Variants in SRBD1 observed in about 807,000 individuals in gnomAD.
SRBD1 encodes the protein S1 RNA-binding domain-containing protein 1.
Under a neutral mutation model 115.3 loss-of-function variants are expected in SRBD1, and 88 were observed. That is an observed-to-expected ratio of 0.76 (90% confidence interval 0.64 to 0.91). SRBD1 has a LOEUF of 0.91. Ranked by LOEUF, SRBD1 falls within the 40% of genes least tolerant of loss-of-function variation. SRBD1 has a pLI of 0.00. For synonymous variants in SRBD1, 509 were observed against 407.7 expected (o/e 1.25, Z -2.99); for missense variants, 1,385 against 1,177.4 (o/e 1.18, Z -2.58).
intron 16 of SRBD1, among the ~76,000 whole-genome samples, chr2:45,435,516 T>C (rs956511847): frequency 2.0e-5 from 3 of 148,384 alleles, no homozygotes; most frequent in Non-Finnish European, 4.4e-5. Context: ...AATACTAAGC[T>C]GCACATACCC....
rs200519152 is a variant in SRBD1, at chr2:45,389,419, T to C, written c.2879A>G (p.Lys960Arg). 1 of 1,614,082 alleles carries C rather than the reference T, an allele frequency of 6.2e-7. No homozygotes were observed. Among genetic ancestry groups the C allele is most frequent in the Non-Finnish European group, 8.5e-7 (1 of 1,179,966 alleles). ...GCCCAGTCCAAGGCTTCTTCTCTTC[T>C]TTGTTTTTGAAAGTTTTGCTTCTGT... is the stretch of plus-strand genomic sequence containing the variant. ...NVTEAKLSKT[K>R]KRRSLGLGPG... The change falls in exon 21 of 21, where the codon AAG becomes AGG. Residue 960 changes from lysine to arginine, a missense_variant. By Grantham distance (26) the Lys-to-Arg change is conservative (BLOSUM62 2). Transcript: ENST00000263736.
intron 16 of SRBD1, among the ~76,000 whole-genome samples, chr2:45,463,088 C>T (rs973982776): frequency 6.7e-6 from 1 of 149,632 alleles, no homozygotes; most frequent in Non-Finnish European, 1.5e-5. Context: ...ATTAGAATTC[C>T]TTTCCATGAT....
chr2:45,478,848 T>A (rs1032039207), intron 15 of SRBD1, among the ~76,000 whole-genome samples: 7 of 152,182 alleles, frequency 4.6e-5, no homozygotes, highest in African/African-American at 1.7e-4. Context: ...GTATTGCATT[T>A]TGCTTTATTG....
chr2:45,559,634 AAG>A (rs1279056701), intron 10 of SRBD1, among the ~76,000 whole-genome samples: 1 of 152,190 alleles, frequency 6.6e-6, no homozygotes, highest in Non-Finnish European at 1.5e-5. Context: ...AATAGGGAAA[AAG>A]AGAGTAAAAA....
intron 16 of SRBD1, among the ~76,000 whole-genome samples, chr2:45,467,544 A>C (rs1028572302): frequency 6.6e-6 from 1 of 152,186 alleles, no homozygotes; most frequent in Non-Finnish European, 1.5e-5. Flanking sequence ...GTCGTAGGCC[A>C]CATCTGTCTA....
intron 16 of SRBD1, among the ~76,000 whole-genome samples, chr2:45,422,356 T>C (rs1298899332): frequency 6.6e-6 from 1 of 152,198 alleles, no homozygotes; most frequent in Non-Finnish European, 1.5e-5. Flanking sequence ...TGCAAGGCCA[T>C]ATGCTTTGGA....
intron 16 of SRBD1, among the ~76,000 whole-genome samples, chr2:45,456,039 T>A (rs1245201191): frequency 4.0e-5 from 6 of 151,374 alleles, no homozygotes; most frequent in African/African-American, 9.7e-5. Context: ...AAAAAAAAAA[T>A]CACCTTACTA....
intron 16 of SRBD1, among the ~76,000 whole-genome samples, chr2:45,454,658 T>C (rs79841604): frequency 0.015 from 2,346 of 151,910 alleles, 60 homozygotes; most frequent in African/African-American, 0.05. Flanking sequence ...TAAAGTCTTA[T>C]TGACCAAACT....
intron 4 of SRBD1, among the ~76,000 whole-genome samples, chr2:45,598,945 T>G (rs888360526): frequency 6.6e-6 from 1 of 152,112 alleles, no homozygotes; most frequent in East Asian, 1.9e-4. Context: ...CTGGGAGAAA[T>G]CTGATTTCCC....
At chr2:45,414,719 TACAC>T (rs372893503) in intron 18 of SRBD1, among the ~76,000 whole-genome samples, 1 of 81,520 alleles carries the variant, frequency 1.2e-5, no homozygotes, top group African/African-American at 5.0e-5. Context: ...AGTATGTATA[TACAC>T]ACACACAGTG....
At position 45,579,877 on chromosome 2, in the gene SRBD1, T is replaced by C. The variant is rs1174303496; in HGVS notation, c.1070A>G (p.Lys357Arg). Residue 357 changes from lysine to arginine, a missense_variant and splice_region_variant, in exon 7 of 21, where the codon AAA (lysine) becomes AGA (arginine). Coordinates refer to ENST00000263736, the MANE Select transcript of SRBD1 (RefSeq NM_018079.5). Reference protein sequence around the residue: ...SLLSYIRPDVKGLSTLQDIEI... With the variant: ...SLLSYIRPDVRGLSTLQDIEI... ...ATCTCTGTAAATAAAGCCAGTACCT[T>C]TAACGTCAGGCCTAATGTACGATAG... The C allele has an allele frequency of 6.4e-7, 1 of 1,569,862 alleles. No homozygotes were observed. The highest frequency in any genetic ancestry group is 1.7e-4 in the Middle Eastern group (1 of 5,838).
rs533532477 is a variant in SRBD1, at chr2:45,493,753, G to C, written c.1875-5422C>G. ...TTGAATCTGGAAGGTGAAGGTTGTA[G>C]TGAGCCAAGATCGCGCCACTGCACT... On this transcript the variant is annotated intron_variant, in intron 14 of 20. Coordinates refer to ENST00000263736, the MANE Select transcript of SRBD1 (RefSeq NM_018079.5). Among the ~76,000 whole-genome samples the C allele has an allele frequency of 4.6e-4, 70 of 151,734 alleles. 2 individuals are homozygous for C. In the South Asian group the frequency reaches 0.014, roughly 30 times the overall value.
At chr2:45,609,216 C>G (rs1422324996) in intron 1 of SRBD1, among the ~76,000 whole-genome samples, 3 of 152,220 alleles carry the variant, frequency 2.0e-5, no homozygotes, top group Non-Finnish European at 4.4e-5. Context: ...TCACTACAAT[C>G]AAGAAAATGA....
chr2:45,501,797 C>T (rs1323190420), intron 14 of SRBD1, among the ~76,000 whole-genome samples: 2 of 152,158 alleles, frequency 1.3e-5, no homozygotes, highest in East Asian at 3.9e-4. Context: ...CTGGGAAGCT[C>T]GAACTGGGTG....
At chr2:45,604,117 T>C (rs371057497) in intron 2 of SRBD1, among the ~76,000 whole-genome samples, 4 of 152,240 alleles carry the variant, frequency 2.6e-5, no homozygotes, top group East Asian at 3.9e-4. Flanking sequence ...TAGAATCCTA[T>C]GCTTCTACAA....
chr2:45,570,280 A>G (rs571239035), intron 9 of SRBD1, among the ~76,000 whole-genome samples: 20 of 152,372 alleles, frequency 1.3e-4, no homozygotes, highest in African/African-American at 4.6e-4. Context: ...AGCATTTAAT[A>G]TAATTGTAGG....
chr2:45,463,038 C>A (rs1669373729), intron 16 of SRBD1, among the ~76,000 whole-genome samples: 2 of 143,232 alleles, frequency 1.4e-5, no homozygotes, highest in South Asian at 2.3e-4. Flanking sequence ...GGGGAAATCT[C>A]TCTTGTCAAT....
At chr2:45,486,988 G>A (rs952766218) in intron 15 of SRBD1, among the ~76,000 whole-genome samples, 8 of 152,036 alleles carry the variant, frequency 5.3e-5, no homozygotes, top group Non-Finnish European at 1.0e-4. Context: ...CAGAGATCAC[G>A]CTGAGCTGCT....
At chr2:45,408,816 G>C (rs1667510503) in intron 19 of SRBD1, among the ~76,000 whole-genome samples, 1 of 151,904 alleles carries the variant, frequency 6.6e-6, no homozygotes, top group African/African-American at 2.4e-5. Context: ...TTAATGAGAG[G>C]GGTATGCAGA....
Sources: gnomAD v4.1 joint callset for allele counts (sites outside exome capture counted in the v4.1 genomes callset) on GRCh38, gnomAD v4.1.1 for gene constraint, MANE v1.5 for transcripts, NCBI Gene and HGNC (gene_info 2026-07-23, HGNC 2026-07-21) for gene names.